TENM1: variants seen among roughly 807,000 people sequenced by gnomAD.
TENM1 encodes the protein teneurin transmembrane protein 1.
A neutral mutation model predicts 174.8 loss-of-function variants in TENM1; 35 were observed. That is an observed-to-expected ratio of 0.20 (90% confidence interval 0.15 to 0.27). TENM1 has a LOEUF of 0.27. Ranked by LOEUF, TENM1 falls within the 10% of genes least tolerant of loss-of-function variation. TENM1 has a pLI of 1.00. For missense variants in TENM1, 1,633 were observed against 2,130.1 expected (o/e 0.77, Z 4.59); for synonymous variants, 781 against 798.7 (o/e 0.98, Z 0.37).
chrX:124,406,327 A>T (rs763462752), exon 26 of TENM1: 1 of 1,204,468 alleles, frequency 8.3e-7, no homozygotes, highest in Non-Finnish European at 1.1e-6. Flanking sequence ...CTTGTTTTAA[A>T]ATATATATGG....
At chrX:125,080,207 G>T in the TENM1 span, among the ~76,000 whole-genome samples, 1 of 111,281 alleles carries the variant, frequency 9.0e-6, no homozygotes, top group African/African-American at 3.3e-5. Context: ...AATGAAAAGT[G>T]AAAGGGTGAA....
intron 3 of TENM1, among the ~76,000 whole-genome samples, chrX:124,824,598 C>T (rs779095040): frequency 2.2e-4 from 25 of 111,851 alleles, no homozygotes; most frequent in Non-Finnish European, 2.3e-4. Flanking sequence ...GAGGTAATAA[C>T]ATTTTCCATT....
the TENM1 span, among the ~76,000 whole-genome samples, chrX:125,087,285 A>G: frequency 9.0e-6 from 1 of 111,074 alleles, no homozygotes; most frequent in Non-Finnish European, 1.9e-5. Flanking sequence ...GAATATTATC[A>G]ATATTTTATA....
In TENM1 at chrX:124,523,352, C is replaced by T. The variant is rs895380391; in HGVS notation, c.3033+12G>A. 7 of 1,207,746 alleles carry T rather than the reference C, an allele frequency of 5.8e-6. No homozygotes were observed. The highest frequency in any genetic ancestry group is 4.5e-6 in the Non-Finnish European group (4 of 893,039). On this transcript the variant is annotated intron_variant, in intron 17 of 31. Coordinates refer to ENST00000422452, the Ensembl canonical transcript of TENM1. ...ATTATTATTTTATACATTCAAAGGC[C>T]AATATACTCACCTGCAGCTCAGGAA...
At chrX:124,834,711 T>C (rs2147341662) in intron 3 of TENM1, among the ~76,000 whole-genome samples, 1 of 111,947 alleles carries the variant, frequency 8.9e-6, no homozygotes, top group South Asian at 3.7e-4. Flanking sequence ...ATACTGGAAT[T>C]AAAAGTTATT....
chrX:125,203,187 G>A, the TENM1 span, among the ~76,000 whole-genome samples: 21 of 113,116 alleles, frequency 1.9e-4, no homozygotes, highest in African/African-American at 6.7e-4. Flanking sequence ...CGGGCTCCCT[G>A]AGTGAGGCTC....
At chrX:125,116,111 C>T in the TENM1 span, among the ~76,000 whole-genome samples, 3 of 111,910 alleles carry the variant, frequency 2.7e-5, no homozygotes, top group Non-Finnish European at 3.8e-5. Flanking sequence ...ACCATCTGAT[C>T]TTTGACAAAC....
At chrX:124,947,063 A>C (rs1412056486) in intron 1 of TENM1, among the ~76,000 whole-genome samples, 1 of 111,742 alleles carries the variant, frequency 8.9e-6, no homozygotes, top group Admixed American at 9.5e-5. Flanking sequence ...GTTAGTTCAT[A>C]GTGTTAGAAA....
chrX:125,131,713 G>A, the TENM1 span, among the ~76,000 whole-genome samples: 1 of 111,607 alleles, frequency 9.0e-6, no homozygotes, highest in Admixed American at 9.5e-5. Context: ...ACAATAGCAG[G>A]GGAAATGCAT....
the TENM1 span, among the ~76,000 whole-genome samples, chrX:125,190,011 C>T: frequency 2.7e-5 from 3 of 111,464 alleles, no homozygotes; most frequent in Non-Finnish European, 5.7e-5. Context: ...ATCTTTACAT[C>T]GCTATATATG....
At chrX:124,864,881 A>G (rs776765838) in intron 3 of TENM1, among the ~76,000 whole-genome samples, 4 of 111,366 alleles carry the variant, frequency 3.6e-5, no homozygotes, top group African/African-American at 1.3e-4. Context: ...AGAAACATAC[A>G]ACATATAATG....
chrX:124,717,677 C>A (rs2148515273), intron 4 of TENM1, among the ~76,000 whole-genome samples: 1 of 111,723 alleles, frequency 9.0e-6, no homozygotes, highest in East Asian at 2.8e-4. Context: ...TTAAAAAAAA[C>A]CTTTAAAAAG....
intron 3 of TENM1, among the ~76,000 whole-genome samples, chrX:124,864,890 T>C (rs376198590): frequency 1.8e-5 from 2 of 111,052 alleles, no homozygotes; most frequent in African/African-American, 6.5e-5. Flanking sequence ...CAACATATAA[T>C]GAAACTCCAA....
chrX:124,532,497 GT>G (rs1268168949), intron 15 of TENM1, among the ~76,000 whole-genome samples: 1 of 111,270 alleles, frequency 9.0e-6, no homozygotes, highest in African/African-American at 3.3e-5. Context: ...GAGTAGACTT[GT>G]CTTTTGACTC....
At chrX:124,384,626 A>T in exon 30 of TENM1, 1 of 1,210,045 alleles carries the variant, frequency 8.3e-7, no homozygotes, top group Non-Finnish European at 1.1e-6. Context: ...GTGTTTCATC[A>T]CTGTAGTAGT....
chrX:125,030,239 C>T, the TENM1 span, among the ~76,000 whole-genome samples: 4 of 111,764 alleles, frequency 3.6e-5, no homozygotes, highest in South Asian at 1.5e-3. Context: ...CTAAAACATC[C>T]GAAGAAGGTC....
the TENM1 span, among the ~76,000 whole-genome samples, chrX:125,112,134 TTGTGTGTGTGTGTGTGTGTGTG>T: frequency 2.2e-5 from 2 of 92,687 alleles, no homozygotes; most frequent in African/African-American, 7.7e-5. Flanking sequence ...TTTAATGAAA[TTGTGTGTGTGTGTGTGTGTGTG>T]TGTGTGTGTG....
chrX:125,192,622 T>A, the TENM1 span, among the ~76,000 whole-genome samples: 1 of 111,838 alleles, frequency 8.9e-6, no homozygotes, highest in African/African-American at 3.2e-5. Flanking sequence ...AAGAATATAG[T>A]TTGAAGGTAG....
At chrX:124,422,463 G>C in exon 24 of TENM1, 1 of 1,211,265 alleles carries the variant, frequency 8.3e-7, no homozygotes, top group Non-Finnish European at 1.1e-6. Flanking sequence ...GGAGTGAATT[G>C]CTACCTTGCT....
Sources: allele counts gnomAD v4.1 joint callset (sites outside exome capture counted in the v4.1 genomes callset), GRCh38; gene constraint gnomAD v4.1.1; transcripts MANE v1.5; gene names NCBI Gene and HGNC (gene_info 2026-07-23, HGNC 2026-07-21).